Variants in UGT2A1 observed in about 807,000 individuals in gnomAD.
UGT2A1 encodes UDP glucuronosyltransferase family 2 member A1 complex locus.
A neutral mutation model predicts 45.4 loss-of-function variants in UGT2A1; 61 were observed. That is an observed-to-expected ratio of 1.34 (90% CI 1.09 to 1.66). The LOEUF is 1.66. Ranked by LOEUF, UGT2A1 falls within the 40% of genes most tolerant of loss-of-function variation. UGT2A1 has a pLI of 0.00. For synonymous variants in UGT2A1, 229 were observed against 196.2 expected (o/e 1.17, Z -1.40); for missense variants, 649 against 574.3 (o/e 1.13, Z -1.33).
chr4:69,623,935 A>T (rs1294362090), intron 3 of UGT2A1, among the ~76,000 whole-genome samples: 1 of 151,658 alleles, frequency 6.6e-6, no homozygotes, highest in Non-Finnish European at 1.5e-5. Flanking sequence ...TGCCCAGGAC[A>T]AGCACCTTAA....
At chr4:69,642,113 ATTTAT>A (rs1271378368) in intron 2 of UGT2A1, among the ~76,000 whole-genome samples, 1 of 151,802 alleles carries the variant, frequency 6.6e-6, no homozygotes, top group African/African-American at 2.4e-5. Context: ...TTTACAAATT[ATTTAT>A]TTTAAGAAAT....
At chr4:69,591,987 C>T (rs1423175656) in intron 6 of UGT2A1, among the ~76,000 whole-genome samples, 1 of 152,054 alleles carries the variant, frequency 6.6e-6, no homozygotes, top group Non-Finnish European at 1.5e-5. Flanking sequence ...TAATAAAAGT[C>T]AATTAATTGG....
At chr4:69,624,803 G>T (rs77498680) in intron 3 of UGT2A1, among the ~76,000 whole-genome samples, 41,168 of 150,694 alleles carry the variant, frequency 0.27, 5,864 homozygotes, top group South Asian at 0.32. Context: ...TTATCATTTT[G>T]GTTTTAAGCA....
intron 6 of UGT2A1, among the ~76,000 whole-genome samples, chr4:69,591,304 G>T (rs899644953): frequency 6.6e-6 from 1 of 152,136 alleles, no homozygotes; most frequent in African/African-American, 2.4e-5. Context: ...AATCAAATAT[G>T]TTTAAGAAAT....
chr4:69,604,972 A>G lies in UGT2A1; in HGVS notation c.848-5578T>C, dbSNP rs911427465. ...CTTAGACTCCCACACAATAATAATGAGAGACTTTGACACCCCACTGTCAAC... is the reference window on the plus strand; with the variant it reads ...CTTAGACTCCCACACAATAATAATGGGAGACTTTGACACCCCACTGTCAAC... On this transcript the variant is annotated intron_variant, in intron 3 of 6. Coordinates refer to ENST00000286604, the MANE Select transcript of UGT2A1 (RefSeq NM_001252275.3). Among the ~76,000 whole-genome samples the G allele has an allele frequency of 5.4e-4, 74 of 136,230 alleles. 10 individuals are homozygous for G. Among genetic ancestry groups the G allele is most frequent in the Admixed American group, 4.3e-4 (6 of 13,828 alleles). The allele number at this position is 136,230 out of a possible 152,430, so 89.4% of individuals were successfully genotyped here. A position where few individuals can be genotyped will look rare whatever the true frequency, so the allele number is the denominator to read the frequency against.
Position 69,635,689 on chromosome 4 carries a change from AC to A in UGT2A1, c.847+1del, listed in dbSNP as rs1416693276. ...TATTAAAAATACAAAAATTAGCCTG[AC>A]CTGCTGGCAGCCTGTAATCCCAACT... On this transcript the variant is annotated splice_donor_variant, in intron 3 of 6. Transcript: ENST00000286604. LOFTEE classifies it high-confidence loss of function. 1.1e-5 allele frequency: 3 copies of A among 280,760 alleles called. No homozygotes were observed. Among genetic ancestry groups the A allele is most frequent in the Admixed American group, 4.8e-5 (1 of 21,008 alleles). 17.4% of individuals were successfully genotyped at this position (280,760 alleles called of 1,614,324 possible). A position where few individuals can be genotyped will look rare whatever the true frequency, so the allele number is the denominator to read the frequency against.
chr4:69,643,625 T>C (rs937029396), intron 2 of UGT2A1, among the ~76,000 whole-genome samples: 1 of 151,586 alleles, frequency 6.6e-6, no homozygotes, highest in Non-Finnish European at 1.5e-5. Context: ...TAAATGCCCA[T>C]GATCTGAAAT....
At chr4:69,612,759 C>T (rs888635417) in intron 3 of UGT2A1, among the ~76,000 whole-genome samples, 2 of 151,692 alleles carry the variant, frequency 1.3e-5, no homozygotes, top group African/African-American at 4.8e-5. Flanking sequence ...AATGGAAGAC[C>T]TCAAAGTATA....
chr4:69,596,117 C>T (rs551210445), intron 4 of UGT2A1: 44 of 1,253,918 alleles, frequency 3.5e-5, no homozygotes, highest in Admixed American at 7.1e-5. Flanking sequence ...TATTACACAA[C>T]GTTACTTACA....
In UGT2A1 at chr4:69,595,242, C is replaced by T. The variant is rs1443843324; in HGVS notation, c.1004G>A (p.Trp335Ter). 2.9e-5 allele frequency: 46 copies of T among 1,613,596 alleles called. No homozygotes were observed. The highest frequency in any genetic ancestry group is 3.8e-5 in the Non-Finnish European group (45 of 1,179,804). ...KPAKPLPKVL[W>*]RYKGKKPATL... ...GGCTGGTTTCTTTCCTTTGTATCTC[C>T]ATAAAACCTGTGGAAAATGGTGCTT... Residue 335 changes from tryptophan (W) to a stop codon, truncating the protein, a stop_gained, in exon 5 of 7, where the codon TGG (tryptophan) becomes TAG (stop). Transcript: ENST00000286604. LOFTEE classifies it high-confidence loss of function.
intron 3 of UGT2A1, among the ~76,000 whole-genome samples, chr4:69,627,550 G>A (rs375729712): frequency 5.3e-4 from 55 of 104,404 alleles, no homozygotes; most frequent in African/African-American, 1.4e-3. Context: ...GAGAGAGAAA[G>A]AGAGAGAGAG....
chr4:69,642,396 A>AG (rs767145683), intron 2 of UGT2A1, among the ~76,000 whole-genome samples: 1 of 151,788 alleles, frequency 6.6e-6, no homozygotes, highest in Non-Finnish European at 1.5e-5. Flanking sequence ...CAGAAAAAGA[A>AG]GAAGGAAGGA....
At chr4:69,639,550 T>C (rs773910979) in intron 2 of UGT2A1, 1 of 1,612,834 alleles carries the variant, frequency 6.2e-7, no homozygotes, top group Non-Finnish European at 8.5e-7. Flanking sequence ...ATTAACACAT[T>C]CCCACTTAGA....
chr4:69,615,741 CA>C (rs1003509536), intron 3 of UGT2A1, among the ~76,000 whole-genome samples: 3 of 151,648 alleles, frequency 2.0e-5, no homozygotes, highest in East Asian at 1.9e-4. Flanking sequence ...AACAGACAGA[CA>C]AAAAAACAGG....
chr4:69,616,285 T>C (rs890256406), intron 3 of UGT2A1, among the ~76,000 whole-genome samples: 1 of 151,730 alleles, frequency 6.6e-6, no homozygotes, highest in Non-Finnish European at 1.5e-5. Flanking sequence ...GCTACAAAAA[T>C]ATAGTTAGAA....
intron 3 of UGT2A1, among the ~76,000 whole-genome samples, chr4:69,627,534 A>AG (rs1721140777): frequency 7.2e-6 from 1 of 139,470 alleles, no homozygotes; most frequent in Non-Finnish European, 1.6e-5. Context: ...GAAAGAAAGA[A>AG]AGAGAGAGAG....
chr4:69,652,910 A>T (rs1722606374), intron 1 of UGT2A1, among the ~76,000 whole-genome samples: 1 of 152,198 alleles, frequency 6.6e-6, no homozygotes, highest in Non-Finnish European at 1.5e-5. Context: ...AGAATCCCTA[A>T]AGAGGACTTT....
chr4:69,612,991 T>C (rs957866242), intron 3 of UGT2A1, among the ~76,000 whole-genome samples: 13 of 147,932 alleles, frequency 8.8e-5, no homozygotes, highest in African/African-American at 3.0e-4. Context: ...TTAATAAAGG[T>C]CTAATATCCA....
rs2109900017 is a variant in UGT2A1, at chr4:69,603,946, G to A, written c.848-4552C>T. Among the ~76,000 whole-genome samples the A allele has an allele frequency of 1.5e-5, 2 of 136,828 alleles. 1 individual carries two copies. Among genetic ancestry groups the A allele is most frequent in the South Asian group, 4.8e-4 (2 of 4,182 alleles). 89.8% of individuals were successfully genotyped at this position (136,828 alleles called of 152,430 possible). ...AAGACCAAATCTACGTCTGATTGGT[G>A]TACCTGAAAGTGATGGGGAGAATGG... On this transcript the variant is annotated intron_variant, in intron 3 of 6. Transcript: ENST00000286604.
Sources: allele counts gnomAD v4.1 joint callset (sites outside exome capture counted in the v4.1 genomes callset), GRCh38; gene constraint gnomAD v4.1.1; transcripts MANE v1.5; gene names NCBI Gene and HGNC (gene_info 2026-07-23, HGNC 2026-07-21).